The following FAM78B variants were observed in gnomAD, a reference collection of about 807,000 sequenced individuals.
FAM78B encodes family with sequence similarity 78 member B, also known as protein FAM78B.
A neutral mutation model predicts 20.0 loss-of-function variants in FAM78B; 10 were observed. That is an observed-to-expected ratio of 0.50 (90% CI 0.31 to 0.85). FAM78B has a LOEUF of 0.85. Among genes scored for constraint, FAM78B ranks in the 40% least tolerant of loss-of-function variants. FAM78B has a pLI of 0.05. For missense variants in FAM78B, 283 were observed against 345.0 expected (o/e 0.82, Z 1.42); for synonymous variants, 135 against 132.8 (o/e 1.02, Z -0.12).
At chr1:166,104,838 G>C (rs1215817265) in intron 1 of FAM78B, among the ~76,000 whole-genome samples, 2 of 152,136 alleles carry the variant, frequency 1.3e-5, no homozygotes, top group African/African-American at 4.8e-5. Flanking sequence ...TTTCTTCACA[G>C]AATTGGAAAA....
In FAM78B at chr1:166,069,985, T is replaced by C. The variant is rs562785090; in HGVS notation, c.*256A>G. ...AGAATCATCCTGGTCAGCTCCAAAA[T>C]ATGGCTACTTGCATGGTAATCACAG... On this transcript the variant is annotated 3_prime_UTR_variant, in exon 2 of 2. Transcript: ENST00000354422. The C allele has an allele frequency of 4.8e-5, 57 of 1,197,996 alleles. No homozygotes were observed. In the South Asian group the frequency reaches 1.8e-3, roughly 38 times the overall value. The allele number at this position is 1,197,996 out of a possible 1,614,324, so 74.2% of individuals were successfully genotyped here. A position where few individuals can be genotyped will look rare whatever the true frequency, so the allele number is the denominator to read the frequency against.
chr1:166,129,684 C>T (rs993682211), intron 1 of FAM78B, among the ~76,000 whole-genome samples: 2 of 152,164 alleles, frequency 1.3e-5, no homozygotes, highest in African/African-American at 4.8e-5. Flanking sequence ...GTAGTCCTCT[C>T]GTCCTCTTCC....
intron 1 of FAM78B, among the ~76,000 whole-genome samples, chr1:166,103,105 T>C (rs929499349): frequency 1.1e-4 from 16 of 152,102 alleles, no homozygotes; most frequent in Non-Finnish European, 2.2e-4. Context: ...TGAATGACTA[T>C]TGGGTACATA....
At chr1:166,067,036 T>G (rs1280425253), downstream of FAM78B, among the ~76,000 whole-genome samples, 1 of 152,204 alleles carries the variant, frequency 6.6e-6, no homozygotes, top group South Asian at 2.1e-4. Flanking sequence ...TTCTTTTACA[T>G]AATAGTAACA....
chr1:166,139,092 A>G (rs1192325788), intron 1 of FAM78B, among the ~76,000 whole-genome samples: 1 of 152,198 alleles, frequency 6.6e-6, no homozygotes, highest in Non-Finnish European at 1.5e-5. Context: ...CAAGGGGGAC[A>G]CCAGAAATTT....
At chr1:166,154,808 G>A in intron 1 of FAM78B, 1 of 480,420 alleles carries the variant, frequency 2.1e-6, no homozygotes. Context: ...TTGTGGCACT[G>A]CCCTTTTCTG....
chr1:166,094,389 T>A (rs1428630545), intron 1 of FAM78B, among the ~76,000 whole-genome samples: 1 of 152,190 alleles, frequency 6.6e-6, no homozygotes, highest in Non-Finnish European at 1.5e-5. Flanking sequence ...CTCAGTCTCA[T>A]GCCATGGCGG....
At chr1:166,163,142 A>G (rs540961728) in intron 1 of FAM78B, among the ~76,000 whole-genome samples, 12 of 152,178 alleles carry the variant, frequency 7.9e-5, no homozygotes, top group Non-Finnish European at 1.5e-4. Flanking sequence ...TGACAGGTTG[A>G]TTGAGAGAGT....
chr1:166,166,307 G>A lies in FAM78B; in HGVS notation c.-59C>T. On this transcript the variant is annotated 5_prime_UTR_variant, in exon 1 of 2. Transcript: ENST00000354422. Reference sequence around the variant, plus strand: ...GGCAGCGCGGGGGCCCGCGCGGGCAGCCGGGGGCGCCCGTCACGCCGGCAT... The same window carrying A: ...GGCAGCGCGGGGGCCCGCGCGGGCAACCGGGGGCGCCCGTCACGCCGGCAT... The A allele has an allele frequency of 2.6e-6, 3 of 1,150,520 alleles. No homozygotes were observed. The highest frequency in any genetic ancestry group is 3.2e-6 in the Non-Finnish European group (3 of 935,776). 71.3% of individuals were successfully genotyped at this position (1,150,520 alleles called of 1,614,324 possible).
intron 1 of FAM78B, among the ~76,000 whole-genome samples, chr1:166,161,840 T>C (rs967658161): frequency 1.3e-5 from 2 of 152,220 alleles, no homozygotes; most frequent in African/African-American, 4.8e-5. Context: ...AGTTCGGGTC[T>C]GGATACCCTA....
At chr1:166,121,771 T>C (rs563787754) in intron 1 of FAM78B, among the ~76,000 whole-genome samples, 2 of 152,308 alleles carry the variant, frequency 1.3e-5, no homozygotes, top group Admixed American at 1.3e-4. Flanking sequence ...ATGAGGAACC[T>C]GAGACAGAGA....
intron 1 of FAM78B, among the ~76,000 whole-genome samples, chr1:166,126,029 A>G (rs1056203653): frequency 6.6e-6 from 1 of 152,054 alleles, no homozygotes; most frequent in Non-Finnish European, 1.5e-5. Flanking sequence ...ACAGGGTTTC[A>G]CCATGTTGGT....
intron 1 of FAM78B, among the ~76,000 whole-genome samples, chr1:166,107,487 A>C (rs929166308): frequency 1.3e-5 from 2 of 152,158 alleles, no homozygotes; most frequent in Non-Finnish European, 2.9e-5. Context: ...AATAACAAGC[A>C]GATTGAAATG....
chr1:166,097,410 C>T (rs547861179), intron 1 of FAM78B, among the ~76,000 whole-genome samples: 13 of 152,332 alleles, frequency 8.5e-5, no homozygotes, highest in Admixed American at 4.6e-4. Flanking sequence ...CACAGGCAAG[C>T]GGAAGAACCA....
Position 166,085,000 on chromosome 1 carries a change from G to A in FAM78B, c.264-14237C>T, listed in dbSNP as rs910113354. Among the ~76,000 whole-genome samples, 4 of 152,144 alleles carry A rather than the reference G, an allele frequency of 2.6e-5. No individual in the cohort carries two copies. In the East Asian group the frequency reaches 5.8e-4, roughly 22 times the overall value. On this transcript the variant is annotated intron_variant, in intron 1 of 1. Coordinates refer to ENST00000354422, the MANE Select transcript of FAM78B (RefSeq NM_001017961.5). ...TTGTGCCTGGGCATTGACAGAGAAG[G>A]TGTGGTGCACTTATTTCTTTTTACC... is the stretch of plus-strand genomic sequence containing the variant.
intron 1 of FAM78B, among the ~76,000 whole-genome samples, chr1:166,165,539 C>A (rs1260899243): frequency 6.6e-6 from 1 of 152,148 alleles, no homozygotes; most frequent in Non-Finnish European, 1.5e-5. Flanking sequence ...TCTTCCAAGC[C>A]CGCTCCGGTT....
At chr1:166,061,429 GA>G (rs1651594368) in intron 2 of FAM78B, among the ~76,000 whole-genome samples, 1 of 151,928 alleles carries the variant, frequency 6.6e-6, no homozygotes. Context: ...CAAATTTTAT[GA>G]TTATAAATTA....
At chr1:166,129,673 T>C (rs1654799135) in intron 1 of FAM78B, among the ~76,000 whole-genome samples, 1 of 152,218 alleles carries the variant, frequency 6.6e-6, no homozygotes, top group African/African-American at 2.4e-5. Flanking sequence ...GAGTCAAAAT[T>C]GTAGTCCTCT....
At chr1:166,064,736 G>C (rs1195599668), downstream of FAM78B, among the ~76,000 whole-genome samples, 1 of 152,334 alleles carries the variant, frequency 6.6e-6, no homozygotes, top group East Asian at 1.9e-4. Flanking sequence ...TTCAGGCCCT[G>C]TGATTCTACT....
Sources: allele counts gnomAD v4.1 joint callset (sites outside exome capture counted in the v4.1 genomes callset), GRCh38; gene constraint gnomAD v4.1.1; transcripts MANE v1.5; gene names NCBI Gene and HGNC (gene_info 2026-07-23, HGNC 2026-07-21).